SCARB2: variants seen among roughly 807,000 people sequenced by gnomAD.
SCARB2 encodes scavenger receptor class B member 2.
Under a neutral mutation model 58.6 loss-of-function variants are expected in SCARB2, and 29 were observed. That is an observed-to-expected ratio of 0.49 (90% CI 0.37 to 0.67). The LOEUF (loss-of-function observed/expected upper bound fraction) is 0.67, where lower values mean the gene tolerates loss of function less well. Among genes scored for constraint, SCARB2 ranks in the 30% least tolerant of loss-of-function variants. The probability of loss-of-function intolerance (pLI) is 0.00; values close to 1 mark genes in which losing one functional copy is unlikely to be tolerated. For missense variants in SCARB2, 488 were observed against 578.5 expected (o/e 0.84, Z 1.60); for synonymous variants, 195 against 210.1 (o/e 0.93, Z 0.62).
intron 1 of SCARB2, among the ~76,000 whole-genome samples, chr4:76,200,452 A>C (rs907204857): frequency 1.3e-5 from 2 of 152,256 alleles, no homozygotes; most frequent in African/African-American, 4.8e-5. Context: ...TCACAGTGTC[A>C]ACAGCTAAAT....
chr4:76,223,830 C>T (rs891775478), intron 1 of SCARB2, among the ~76,000 whole-genome samples: 1 of 151,240 alleles, frequency 6.6e-6, no homozygotes, highest in Non-Finnish European at 1.5e-5. Context: ...GAGAGTGTCC[C>T]TGGCCTGCTT....
chr4:76,183,918 T>C (rs1159672765), intron 2 of SCARB2, among the ~76,000 whole-genome samples: 1 of 152,204 alleles, frequency 6.6e-6, no homozygotes, highest in African/African-American at 2.4e-5. Context: ...ACTAAATATA[T>C]ATTTCATCAT....
At chr4:76,165,763 G>GT (rs527250364) in intron 10 of SCARB2, 21,875 of 144,054 alleles carry the variant, frequency 0.15, 1,691 homozygotes, top group East Asian at 0.36. Context: ...AAAAACCTGC[G>GT]TTTTTTTTTT....
At chr4:76,234,220 G>A (rs1733544103) in intron 1 of SCARB2, 1 of 152,358 alleles carries the variant, frequency 6.6e-6, no homozygotes, top group East Asian at 1.9e-4. Flanking sequence ...CGGGGGTGTG[G>A]GCATGATTTC....
chr4:76,202,340 CA>C (rs1194916723), intron 1 of SCARB2, among the ~76,000 whole-genome samples: 1 of 152,162 alleles, frequency 6.6e-6, no homozygotes, highest in Non-Finnish European at 1.5e-5. Context: ...CGGCTCACCA[CA>C]ACCTCCGCCT....
chr4:76,163,448 T>A, intron 10 of SCARB2, 65 bp from the exon 11 acceptor site: 2 of 1,575,820 alleles, frequency 1.3e-6, no homozygotes, highest in Non-Finnish European at 8.7e-7. Context: ...TTTTTTGCTA[T>A]ATCTTTCCTT....
chr4:76,168,328 C>A, intron 9 of SCARB2, 75 bp downstream of exon 9: 1 of 1,142,658 alleles, frequency 8.8e-7, no homozygotes, highest in South Asian at 1.2e-5. Flanking sequence ...GGCTGTACTC[C>A]TCCTGACATC....
chr4:76,174,409 G>T (rs1732202592), intron 6 of SCARB2, 96 bp from the exon 7 acceptor site: 1 of 1,086,132 alleles, frequency 9.2e-7, no homozygotes, highest in Non-Finnish European at 1.4e-6. Context: ...GTACAACATG[G>T]CCAAAAGCTC....
At chr4:76,189,671 T>G (rs1235168899) in intron 2 of SCARB2, among the ~76,000 whole-genome samples, 2 of 152,064 alleles carry the variant, frequency 1.3e-5, no homozygotes, top group African/African-American at 2.4e-5. Context: ...AGGGTTTCAT[T>G]ATGTTGGCCA....
chr4:76,187,306 A>G (rs1453385357), intron 2 of SCARB2, among the ~76,000 whole-genome samples: 1 of 152,230 alleles, frequency 6.6e-6, no homozygotes, highest in Non-Finnish European at 1.5e-5. Flanking sequence ...AGTTGCCCCA[A>G]ATGAAACATA....
At chr4:76,220,920 C>T (rs556169744) in intron 1 of SCARB2, among the ~76,000 whole-genome samples, 105 of 152,134 alleles carry the variant, frequency 6.9e-4, no homozygotes, top group Non-Finnish European at 1.2e-3. Flanking sequence ...ATTCTCTCAG[C>T]GGAGTCAGTA....
At chr4:76,176,002 G>A (rs1236649939) in intron 5 of SCARB2, 92 bp from the exon 6 acceptor site, 2 of 1,441,444 alleles carry the variant, frequency 1.4e-6, no homozygotes, top group African/African-American at 2.8e-5. Flanking sequence ...TTTAACTGGA[G>A]CTGTCTATCC....
At chr4:76,226,894 GC>G (rs1471391854) in intron 1 of SCARB2, among the ~76,000 whole-genome samples, 1 of 152,046 alleles carries the variant, frequency 6.6e-6, no homozygotes, top group African/African-American at 2.4e-5. Flanking sequence ...TTCTAATTGA[GC>G]TTTTTTGAAT....
chr4:76,222,138 T>C (rs1457295039), intron 1 of SCARB2, among the ~76,000 whole-genome samples: 2 of 152,190 alleles, frequency 1.3e-5, no homozygotes, highest in African/African-American at 2.4e-5. Context: ...ATCTCAATAT[T>C]CAGTGGTACA....
intron 1 of SCARB2, among the ~76,000 whole-genome samples, chr4:76,203,636 C>T (rs990083101): frequency 7.2e-5 from 11 of 152,192 alleles, no homozygotes; most frequent in Non-Finnish European, 1.5e-4. Context: ...AGAGACAGAA[C>T]TGAGAACAAC....
At chr4:76,176,061 G>T in intron 5 of SCARB2, 151 bp from the exon 6 acceptor site, 2 of 973,962 alleles carry the variant, frequency 2.1e-6, no homozygotes, top group Non-Finnish European at 3.0e-6. Flanking sequence ...TAGATCAAGG[G>T]GGAGAAAAAG....
intron 9 of SCARB2, 102 bp downstream of exon 9, chr4:76,168,301 C>CA: frequency 2.3e-6 from 2 of 884,432 alleles, no homozygotes; most frequent in South Asian, 1.3e-5. Flanking sequence ...CAGGGGTGAG[C>CA]AGGCTTAGAT....
chr4:76,175,550 TAAGTA>T (rs1732235287), intron 6 of SCARB2: 1 of 528,342 alleles, frequency 1.9e-6, no homozygotes, highest in East Asian at 3.4e-5. Flanking sequence ...ACAGAGTGGT[TAAGTA>T]ATTTGCCCAA....
In SCARB2 at chr4:76,164,084, G is replaced by A. The variant is rs574586677; in HGVS notation, c.1240-701C>T. 252 of 153,892 alleles carry A rather than the reference G, an allele frequency of 1.6e-3. 1 individual carries two copies. Among genetic ancestry groups the A allele is most frequent in the Non-Finnish European group, 3.0e-3 (209 of 69,172 alleles). 9.5% of individuals were successfully genotyped at this position (153,892 alleles called of 1,614,324 possible). A position where few individuals can be genotyped will look rare whatever the true frequency, so the allele number is the denominator to read the frequency against. The stretch of plus-strand genomic sequence containing the variant: ...AGAATTCCAGAGACTGCTGATAGAA[G>A]GAAATGTACTAGAATAACACTTAGT... On this transcript the variant is annotated intron_variant, in intron 10 of 11. Coordinates refer to ENST00000264896, the MANE Select transcript of SCARB2 (RefSeq NM_005506.4).
Sources: allele counts gnomAD v4.1 joint callset (sites outside exome capture counted in the v4.1 genomes callset), GRCh38; gene constraint gnomAD v4.1.1; transcripts MANE v1.5; gene names NCBI Gene and HGNC (gene_info 2026-07-23, HGNC 2026-07-21).